RHBG: variants seen among roughly 807,000 people sequenced by gnomAD.
RHBG encodes the protein Rh family B glycoprotein.
A neutral mutation model predicts 40.1 loss-of-function variants in RHBG; 39 were observed. The observed-to-expected ratio is 0.97, with a 90% CI of 0.75 to 1.27. The LOEUF is 1.27. Ranked by LOEUF, RHBG falls within the 50% of genes most tolerant of loss-of-function variation. RHBG has a pLI of 0.00. For missense variants in RHBG, 549 were observed against 588.1 expected (o/e 0.93, Z 0.69); for synonymous variants, 237 against 252.5 (o/e 0.94, Z 0.58).
intron 7 of RHBG, 57 bp from the exon 8 acceptor site, chr1:156,382,691 G>A (rs374189176): frequency 1.4e-5 from 22 of 1,604,704 alleles, no homozygotes; most frequent in South Asian, 5.5e-5. Context: ...CCCTGGCCCC[G>A]GGCTGCATCC....
intron 4 of RHBG, among the ~76,000 whole-genome samples, chr1:156,380,538 C>T (rs1667548363): frequency 6.6e-6 from 1 of 151,682 alleles, no homozygotes; most frequent in Admixed American, 6.6e-5. Flanking sequence ...AACTGGCCAA[C>T]ATGGTGAAAC....
intron 1 of RHBG, among the ~76,000 whole-genome samples, chr1:156,373,874 G>A (rs1489698170): frequency 1.3e-5 from 2 of 152,128 alleles, no homozygotes; most frequent in Non-Finnish European, 2.9e-5. Flanking sequence ...AGAACTTAGG[G>A]TGCAGGCTGA....
chr1:156,375,437 T>G (rs1046956835), intron 1 of RHBG, among the ~76,000 whole-genome samples: 1 of 142,670 alleles, frequency 7.0e-6, no homozygotes, highest in African/African-American at 2.6e-5. Flanking sequence ...ATTTCCTATC[T>G]GCCCATGCAT....
chr1:156,369,256 G>C lies in RHBG; in HGVS notation c.7G>C (p.Gly3Arg), dbSNP rs201291978. MA[G>R]SPSRAAGRRL... Reference sequence around the variant, plus strand: ...CGAGATCGCAGCCCAACCCATGGCCGGGTCTCCTAGCCGCGCCGCGGGCCG... The same window carrying C: ...CGAGATCGCAGCCCAACCCATGGCCCGGTCTCCTAGCCGCGCCGCGGGCCG... Residue 3 changes from glycine to arginine, a missense_variant, in exon 1 of 10, where the codon GGG becomes CGG. Around this residue, in one of 3 missense-constraint regions of RHBG, gnomAD observed 99 missense variants for 85.2 expected, o/e 1.16. Transcript: ENST00000537040. 111 of 1,612,592 alleles carry C rather than the reference G, an allele frequency of 6.9e-5. No individual in the cohort carries two copies. Among genetic ancestry groups the C allele is most frequent in the Non-Finnish European group, 8.8e-5 (104 of 1,179,686 alleles).
intron 8 of RHBG, among the ~76,000 whole-genome samples, chr1:156,384,226 C>G (rs1215199562): frequency 6.6e-6 from 1 of 152,186 alleles, no homozygotes; most frequent in Non-Finnish European, 1.5e-5. Flanking sequence ...GGTCTATTAC[C>G]AACTGCACAC....
chr1:156,380,229 G>C (rs1667525650), intron 4 of RHBG, among the ~76,000 whole-genome samples: 1 of 149,926 alleles, frequency 6.7e-6, no homozygotes, highest in African/African-American at 2.5e-5. Flanking sequence ...TCCTGCCTCA[G>C]CCTCCTGAGG....
chr1:156,378,087 C>G lies in RHBG; in HGVS notation c.472C>G (p.Leu158Val). 6.2e-7 allele frequency: 1 copy of G among 1,611,432 alleles called. No homozygotes were observed. Among genetic ancestry groups the G allele is most frequent in the East Asian group, 2.2e-5 (1 of 44,824 alleles). The change falls in exon 3 of 10, where the codon CTG becomes GTG. Residue 158 changes from leucine to valine, a missense_variant. Leu to Val is a conservative substitution (Grantham distance 32). Coordinates refer to ENST00000537040, the MANE Select transcript of RHBG (RefSeq NM_020407.5). ...GPTQLLLMAL[L>V]EVVLFGINEF... ...TACCCAGCTGCTGCTCATGGCCCTG[C>G]TGGAGGTGGTGCTGTTTGGCATCAA...
rs1167956898 is a variant in RHBG, at chr1:156,369,247, C to T, written c.-3C>T. 6.2e-7 allele frequency: 1 copy of T among 1,612,332 alleles called. No homozygotes were observed. Among genetic ancestry groups the T allele is most frequent in the Non-Finnish European group, 8.5e-7 (1 of 1,179,542 alleles). ...AGCGCCAGCCGAGATCGCAGCCCAACCCATGGCCGGGTCTCCTAGCCGCGC... is the reference window on the plus strand; with the variant it reads ...AGCGCCAGCCGAGATCGCAGCCCAATCCATGGCCGGGTCTCCTAGCCGCGC... On this transcript the variant is annotated 5_prime_UTR_variant, in exon 1 of 10. Transcript: ENST00000537040.
intron 1 of RHBG, among the ~76,000 whole-genome samples, chr1:156,374,314 G>A (rs531589111): frequency 2.2e-4 from 33 of 152,106 alleles, no homozygotes; most frequent in Non-Finnish European, 4.6e-4. Context: ...AAAGGTTGGG[G>A]ATCGCTAGGT....
Position 156,384,436 on chromosome 1 carries a change from C to G in RHBG, c.1235-91C>G, listed in dbSNP as rs973761603. ...CAGGCATCATATTGGTCTTATGCCT[C>G]CTAGACCCCTGTGCCCTGTGGCACT... On this transcript the variant is annotated intron_variant, in intron 8 of 9. Coordinates refer to ENST00000537040, the MANE Select transcript of RHBG (RefSeq NM_020407.5). 2.6e-6 allele frequency: 3 copies of G among 1,172,872 alleles called. No homozygotes were observed. The South Asian group carries it at 3.7e-5, about 14-fold the overall frequency. The allele number at this position is 1,172,872 out of a possible 1,614,324, so 72.7% of individuals were successfully genotyped here. A position where few individuals can be genotyped will look rare whatever the true frequency, so the allele number is the denominator to read the frequency against.
intron 1 of RHBG, chr1:156,374,484 C>T: frequency 6.7e-6 from 2 of 298,536 alleles, no homozygotes; most frequent in Non-Finnish European, 6.6e-6. Context: ...TTTTAGCTTC[C>T]ACATATGAGT....
intron 5 of RHBG, 69 bp from the exon 6 acceptor site, chr1:156,381,737 G>T: frequency 2.6e-6 from 4 of 1,528,858 alleles, no homozygotes; most frequent in Non-Finnish European, 3.5e-6. Flanking sequence ...TGTCACTGTG[G>T]TGTGTAGGGT....
intron 7 of RHBG, chr1:156,382,480 T>C: frequency 1.6e-6 from 1 of 630,608 alleles, no homozygotes; most frequent in Non-Finnish European, 2.8e-6. Flanking sequence ...TTTTTGCACA[T>C]CAAGGGTGGG....
At chr1:156,369,918 C>T (rs1443157263) in intron 1 of RHBG, among the ~76,000 whole-genome samples, 1 of 152,030 alleles carries the variant, frequency 6.6e-6, no homozygotes, top group Non-Finnish European at 1.5e-5. Context: ...GTCATAATGG[C>T]AGGTGTTAGG....
chr1:156,382,706 C>T (rs1267353228), intron 7 of RHBG, 42 bp from the exon 8 acceptor site: 1 of 1,611,270 alleles, frequency 6.2e-7, no homozygotes, highest in Non-Finnish European at 8.5e-7. Context: ...GCATCCCTCT[C>T]TCTCCCTACC....
chr1:156,370,786 A>C (rs1179958336), intron 1 of RHBG, among the ~76,000 whole-genome samples: 6 of 152,092 alleles, frequency 3.9e-5, no homozygotes, highest in Admixed American at 3.9e-4. Flanking sequence ...ATCACCCATC[A>C]TGTGAGTGGC....
chr1:156,376,298 G>A (rs1228393055), intron 1 of RHBG, among the ~76,000 whole-genome samples: 2 of 151,854 alleles, frequency 1.3e-5, no homozygotes, highest in Non-Finnish European at 2.9e-5. Context: ...CAGCAGCCTT[G>A]TCTCCTTCTT....
chr1:156,376,398 C>G (rs1223760724), intron 1 of RHBG, among the ~76,000 whole-genome samples: 1 of 146,830 alleles, frequency 6.8e-6, no homozygotes, highest in Non-Finnish European at 1.5e-5. Context: ...GACTCTTGCT[C>G]TGTCACCCAG....
At chr1:156,384,704 G>A in intron 9 of RHBG, 73 bp from the exon 10 acceptor site, 1 of 1,560,210 alleles carries the variant, frequency 6.4e-7, no homozygotes, top group Admixed American at 1.8e-5. Flanking sequence ...TTCTCCTCTG[G>A]GGTACACCCC....
Sources: gnomAD v4.1 joint callset for allele counts (sites outside exome capture counted in the v4.1 genomes callset) on GRCh38, gnomAD v4.1.1 for gene constraint, gnomAD v4.1.1 regional missense constraint, MANE v1.5 for transcripts, NCBI Gene and HGNC (gene_info 2026-07-23, HGNC 2026-07-21) for gene names.